ACBD3: variants seen among roughly 807,000 people sequenced by gnomAD.
The protein encoded by ACBD3 is acyl-CoA binding domain containing 3, also known as Golgi resident protein GCP60.
In ACBD3, 30 loss-of-function variants were observed where a neutral mutation model predicts 66.9. That is an observed-to-expected ratio of 0.45 (90% CI 0.34 to 0.61). The LOEUF is 0.61. ACBD3 is among the 20% of genes least tolerant of loss of function. The probability of loss-of-function intolerance (pLI) is 0.02; values close to 1 mark genes in which losing one functional copy is unlikely to be tolerated. For synonymous variants in ACBD3, 278 were observed against 259.8 expected, an observed-to-expected ratio of 1.07 and a Z score of -0.68; for missense variants, 544 against 664.5, an observed-to-expected ratio of 0.82 and a Z score of 1.99.
Position 226,165,977 on chromosome 1 carries a change from G to T in ACBD3, c.310C>A (p.Pro104Thr). ...FKEKDGKAFH[P>T]TYEEKLKLVA... Reference sequence around the variant, plus strand: ...AGCTTCAATTTTTCTTCATAAGTTGGATGAAATGCTTTGCCATCTTTTTCT... The same window carrying T: ...AGCTTCAATTTTTCTTCATAAGTTGTATGAAATGCTTTGCCATCTTTTTCT... Residue 104 changes from proline (P) to threonine (T), a missense_variant, in exon 2 of 8, where the codon CCA (proline) becomes ACA (threonine). By Grantham distance (38) the Pro-to-Thr change is conservative. Transcript: ENST00000366812. 1 of 1,607,688 alleles carries T rather than the reference G, an allele frequency of 6.2e-7. No homozygotes were observed. Among genetic ancestry groups the T allele is most frequent in the South Asian group, 1.1e-5 (1 of 89,146 alleles).
chr1:226,172,155 C>CAAAAA lies in ACBD3; in HGVS notation c.287-6160_287-6156dup, dbSNP rs779380166. Among the ~76,000 whole-genome samples, 51 of 43,224 alleles carry CAAAAA rather than the reference C, an allele frequency of 1.2e-3. 2 individuals carry two copies. In the East Asian group the frequency reaches 0.016, roughly 14 times the overall value. 28.4% of individuals were successfully genotyped at this position (43,224 alleles called of 152,430 possible). A position where few individuals can be genotyped will look rare whatever the true frequency, so the allele number is the denominator to read the frequency against. The stretch of plus-strand genomic sequence containing the variant: ...GGGAAACAAGAGCAAAACTCCATCT[C>CAAAAA]AAAAAAAAAAAAAAAGAGGAATACA... On this transcript the variant is annotated intron_variant, in intron 1 of 7. Transcript: ENST00000366812.
Position 226,186,670 on chromosome 1 carries a change from C to A in ACBD3, c.6G>T (p.Ala2=). ...CGAGTCGCTCTGCGTTCAGCACCGC[C>A]GCCATCTCCGGCTGCTGCACCTCCT... M[A]AVLNAERLEV... Residue 2 remains alanine, a synonymous_variant, in exon 1 of 8, where the codon GCG becomes GCT. Coordinates refer to ENST00000366812, the MANE Select transcript of ACBD3 (RefSeq NM_022735.4). The A allele has an allele frequency of 6.7e-7, 1 of 1,502,604 alleles. No homozygotes were observed. Among genetic ancestry groups the A allele is most frequent in the Non-Finnish European group, 8.8e-7 (1 of 1,131,376 alleles). The allele number at this position is 1,502,604 out of a possible 1,614,324, so 93.1% of individuals were successfully genotyped here. A position where few individuals can be genotyped will look rare whatever the true frequency, so the allele number is the denominator to read the frequency against.
At chr1:226,181,578 A>C (rs1318311215) in intron 1 of ACBD3, among the ~76,000 whole-genome samples, 1 of 152,222 alleles carries the variant, frequency 6.6e-6, no homozygotes, top group Non-Finnish European at 1.5e-5. Flanking sequence ...AGGATCCTTA[A>C]CTCAGAAATG....
chr1:226,171,640 C>T (rs944437847), intron 1 of ACBD3, among the ~76,000 whole-genome samples: 4 of 151,338 alleles, frequency 2.6e-5, no homozygotes, highest in African/African-American at 4.9e-5. Context: ...CGGGCTCAAG[C>T]GATTCTTGTG....
At chr1:226,177,219 C>T (rs896201344) in intron 1 of ACBD3, among the ~76,000 whole-genome samples, 5 of 145,726 alleles carry the variant, frequency 3.4e-5, no homozygotes, top group Non-Finnish European at 6.0e-5. Flanking sequence ...TGAACCGGGA[C>T]GGGTTCAAGT....
intron 1 of ACBD3, among the ~76,000 whole-genome samples, chr1:226,172,504 G>T (rs1655852408): frequency 6.6e-6 from 1 of 152,138 alleles, no homozygotes; most frequent in Non-Finnish European, 1.5e-5. Context: ...CCACAAGTTA[G>T]AATCTAGCCT....
At chr1:226,157,919 C>T (rs1211257784) in intron 5 of ACBD3, among the ~76,000 whole-genome samples, 1 of 152,194 alleles carries the variant, frequency 6.6e-6, no homozygotes, top group Non-Finnish European at 1.5e-5. Context: ...TAAATGATAG[C>T]AACCTATAAA....
intron 1 of ACBD3, among the ~76,000 whole-genome samples, chr1:226,180,756 T>C (rs540397509): frequency 7.2e-5 from 11 of 152,158 alleles, no homozygotes; most frequent in Non-Finnish European, 1.6e-4. Flanking sequence ...TCTAGCACTT[T>C]GGGAGGCCAA....
intron 1 of ACBD3, among the ~76,000 whole-genome samples, chr1:226,175,806 A>G (rs775932359): frequency 6.6e-6 from 1 of 152,238 alleles, no homozygotes; most frequent in Non-Finnish European, 1.5e-5. Context: ...GTTGTAGTCC[A>G]ATTTCACCTT....
chr1:226,160,027 T>C (rs1351317073), intron 4 of ACBD3, among the ~76,000 whole-genome samples: 1 of 152,028 alleles, frequency 6.6e-6, no homozygotes, highest in Non-Finnish European at 1.5e-5. Flanking sequence ...GAGGAAATAC[T>C]GAAAATATCT....
intron 1 of ACBD3, among the ~76,000 whole-genome samples, chr1:226,183,165 T>C (rs1321693326): frequency 1.3e-5 from 2 of 152,056 alleles, no homozygotes; most frequent in Admixed American, 6.6e-5. Context: ...GAAAATGTAA[T>C]GTTCTTTCCT....
chr1:226,178,574 CAAA>C (rs57231361), intron 1 of ACBD3, among the ~76,000 whole-genome samples: 10 of 83,620 alleles, frequency 1.2e-4, no homozygotes, highest in Admixed American at 7.7e-4. Context: ...GACTCCGTCT[CAAA>C]AAAAAAAAAA....
At chr1:226,150,490 T>A (rs1237254440) in intron 7 of ACBD3, among the ~76,000 whole-genome samples, 1 of 149,042 alleles carries the variant, frequency 6.7e-6, no homozygotes, top group Non-Finnish European at 1.5e-5. Context: ...GTGATTCTCC[T>A]GCCTCAGCCT....
At chr1:226,162,014 C>A (rs1198165203) in intron 3 of ACBD3, among the ~76,000 whole-genome samples, 4 of 152,236 alleles carry the variant, frequency 2.6e-5, no homozygotes, top group East Asian at 3.9e-4. Flanking sequence ...CTTCATAATA[C>A]CTGCTGTCAT....
At chr1:226,168,039 C>T (rs947301850) in intron 1 of ACBD3, among the ~76,000 whole-genome samples, 1 of 151,976 alleles carries the variant, frequency 6.6e-6, no homozygotes. Flanking sequence ...TTATCTTATC[C>T]CCCAGTGGAT....
intron 7 of ACBD3, among the ~76,000 whole-genome samples, chr1:226,150,087 A>G (rs1659540388): frequency 7.0e-6 from 1 of 141,878 alleles, no homozygotes; most frequent in Non-Finnish European, 1.5e-5. Flanking sequence ...GGGAGGGCCT[A>G]GCTCTGTCGC....
At chr1:226,176,712 CTG>C (rs748373482) in intron 1 of ACBD3, among the ~76,000 whole-genome samples, 1 of 150,890 alleles carries the variant, frequency 6.6e-6, no homozygotes, top group Non-Finnish European at 1.5e-5. Context: ...ATCATAAAAA[CTG>C]TGACTATATG....
intron 6 of ACBD3, 52 bp from the exon 7 acceptor site, chr1:226,152,671 G>C (rs746317730): frequency 1.2e-5 from 19 of 1,548,698 alleles, no homozygotes; most frequent in Non-Finnish European, 1.6e-5. Context: ...TCACCCTGCA[G>C]GTAGCCACAT....
At chr1:226,184,385 T>G (rs528732019) in intron 1 of ACBD3, among the ~76,000 whole-genome samples, 1 of 152,332 alleles carries the variant, frequency 6.6e-6, no homozygotes, top group African/African-American at 2.4e-5. Context: ...GATATTGCTT[T>G]GAGAACTTCA....
Sources: allele counts gnomAD v4.1 joint callset (sites outside exome capture counted in the v4.1 genomes callset), GRCh38; gene constraint gnomAD v4.1.1; transcripts MANE v1.5; gene names NCBI Gene and HGNC (gene_info 2026-07-23, HGNC 2026-07-21).